TSC22D1: variants seen among roughly 807,000 people sequenced by gnomAD.
TSC22D1 encodes TSC22 domain family member 1.
A neutral mutation model predicts 74.2 loss-of-function variants in TSC22D1; 9 were observed. That is an observed-to-expected ratio of 0.12 (90% CI 0.07 to 0.21). TSC22D1 has a LOEUF of 0.21. Among genes scored for constraint, TSC22D1 ranks in the 10% least tolerant of loss-of-function variants. The probability of loss-of-function intolerance (pLI) is 1.00; values close to 1 mark genes in which losing one functional copy is unlikely to be tolerated. For synonymous variants in TSC22D1, 586 were observed against 492.5 expected, an observed-to-expected ratio of 1.19 and a Z score of -2.51; for missense variants, 1,427 against 1,304.7, an observed-to-expected ratio of 1.09 and a Z score of -1.44.
chr13:44,495,163 G>A (rs1358258357), intron 1 of TSC22D1, among the ~76,000 whole-genome samples: 1 of 151,950 alleles, frequency 6.6e-6, no homozygotes, highest in Non-Finnish European at 1.5e-5. Context: ...CAGAAGGAAA[G>A]AATAGACAGA....
intron 1 of TSC22D1, among the ~76,000 whole-genome samples, chr13:44,475,466 A>C (rs1175908576): frequency 4.1e-5 from 1 of 24,562 alleles, no homozygotes; most frequent in East Asian, 1.1e-3. Context: ...AAACAAAAGC[A>C]AAAAAAAAAA....
intron 1 of TSC22D1, among the ~76,000 whole-genome samples, chr13:44,517,857 A>ATATATTTTTTTTTTTTTTTTTT (rs10627677): frequency 6.2e-5 from 1 of 16,176 alleles, no homozygotes; most frequent in Non-Finnish European, 1.4e-4. Flanking sequence ...ATATATATAT[A>ATATATTTTTTTTTTTTTTTTTT]TTTTTTTTTT....
chr13:44,454,113 A>C (rs1876369624), intron 1 of TSC22D1, among the ~76,000 whole-genome samples: 1 of 152,236 alleles, frequency 6.6e-6, no homozygotes, highest in African/African-American at 2.4e-5. Context: ...TGCTGCACAA[A>C]CACATAAAAC....
At chr13:44,436,595 C>G in intron 1 of TSC22D1, 1 of 1,614,170 alleles carries the variant, frequency 6.2e-7, no homozygotes, top group Non-Finnish European at 8.5e-7. Flanking sequence ...ACTCCTAGAT[C>G]CATCGCCACT....
chr13:44,539,175 T>C (rs895317144), intron 1 of TSC22D1: 35 of 985,224 alleles, frequency 3.6e-5, no homozygotes, highest in Non-Finnish European at 4.1e-5. Flanking sequence ...AACATAGCTT[T>C]CAGGGATACT....
intron 1 of TSC22D1, among the ~76,000 whole-genome samples, chr13:44,464,641 C>T (rs1284323493): frequency 1.3e-5 from 2 of 152,198 alleles, no homozygotes; most frequent in East Asian, 3.8e-4. Flanking sequence ...TTCACAAGAG[C>T]ACTCAGTACA....
chr13:44,502,076 C>G (rs1879246510), intron 1 of TSC22D1, among the ~76,000 whole-genome samples: 1 of 152,176 alleles, frequency 6.6e-6, no homozygotes, highest in African/African-American at 2.4e-5. Flanking sequence ...TGTGCACTCT[C>G]TCTCCTATCG....
chr13:44,494,857 T>C (rs913389688), intron 1 of TSC22D1, among the ~76,000 whole-genome samples: 1 of 152,020 alleles, frequency 6.6e-6, no homozygotes, highest in Non-Finnish European at 1.5e-5. Flanking sequence ...GACAAGGAAC[T>C]AAAGGAAACC....
At chr13:44,506,944 C>G (rs761398679) in intron 1 of TSC22D1, among the ~76,000 whole-genome samples, 1 of 152,146 alleles carries the variant, frequency 6.6e-6, no homozygotes, top group Non-Finnish European at 1.5e-5. Context: ...GACTCAGGAA[C>G]AAGCATGTCA....
chr13:44,537,606 T>C, intron 1 of TSC22D1: 4 of 984,964 alleles, frequency 4.1e-6, no homozygotes, highest in Non-Finnish European at 4.8e-6. Flanking sequence ...TTGTTTTTTT[T>C]AATTTATATG....
rs562627281 is a variant in TSC22D1, at chr13:44,558,977, C to A, written c.2912+14186G>T. ...TAATAATAAAACATAACCAATTGTA[C>A]AAATGTATAAATCCTGCTATCCATT... On this transcript the variant is annotated intron_variant, in intron 1 of 2. Transcript: ENST00000458659. Among the ~76,000 whole-genome samples, 5 of 152,234 alleles carry A rather than the reference C, an allele frequency of 3.3e-5. No individual in the cohort carries two copies. In the East Asian group the frequency reaches 9.6e-4, roughly 29 times the overall value.
chr13:44,473,034 AAG>A (rs1877698388), intron 1 of TSC22D1, among the ~76,000 whole-genome samples: 1 of 152,216 alleles, frequency 6.6e-6, no homozygotes, highest in Non-Finnish European at 1.5e-5. Context: ...GCAGTAGGCA[AAG>A]AGAGAGAGCT....
chr13:44,520,158 G>C (rs987742865), intron 1 of TSC22D1, among the ~76,000 whole-genome samples: 1 of 152,156 alleles, frequency 6.6e-6, no homozygotes, highest in Admixed American at 6.6e-5. Flanking sequence ...GAAATGCCCA[G>C]AGAATTGACA....
intron 1 of TSC22D1, among the ~76,000 whole-genome samples, chr13:44,541,339 T>C (rs922324118): frequency 1.3e-5 from 2 of 152,202 alleles, no homozygotes; most frequent in African/African-American, 4.8e-5. Context: ...GAGCTAACCC[T>C]TCTGCACAGG....
rs2297736 is a variant in TSC22D1, at chr13:44,576,069, G to A, written c.6C>T (p.His2=). M[H]QPPESTAAAA... ...CCGCGGCGGTGGACTCAGGCGGCTG[G>A]TGCATTGTGTTGGGTACCGGGGGCG... Residue 2 remains histidine (H), a synonymous_variant, in exon 1 of 3, where the codon CAC becomes CAT. Coordinates refer to ENST00000458659, the MANE Select transcript of TSC22D1 (RefSeq NM_183422.4). The A allele has an allele frequency of 1.3e-4, 203 of 1,557,064 alleles. No individual in the cohort carries two copies. The East Asian group carries it at 4.4e-3, about 33-fold the overall frequency.
chr13:44,537,901 A>G (rs1881245050), intron 1 of TSC22D1: 1 of 985,014 alleles, frequency 1.0e-6, no homozygotes, highest in Admixed American at 6.2e-5. Flanking sequence ...TAATAACTCT[A>G]GAATGTCTAT....
chr13:44,446,323 A>G (rs1266174175), intron 1 of TSC22D1, among the ~76,000 whole-genome samples: 2 of 152,204 alleles, frequency 1.3e-5, no homozygotes, highest in African/African-American at 2.4e-5. Context: ...CTATAGAGAC[A>G]AAAACCAGAT....
intron 1 of TSC22D1, among the ~76,000 whole-genome samples, chr13:44,487,518 A>G (rs1320008935): frequency 4.0e-5 from 6 of 149,074 alleles, no homozygotes; most frequent in South Asian, 4.2e-4. Context: ...AAAAAAAAAA[A>G]AAAAAAAAAG....
At chr13:44,456,825 T>C (rs1385592984) in intron 1 of TSC22D1, among the ~76,000 whole-genome samples, 1 of 152,102 alleles carries the variant, frequency 6.6e-6, no homozygotes, top group East Asian at 1.9e-4. Flanking sequence ...TCTCAGAAAC[T>C]AGAACAAAAT....
Sources: gnomAD v4.1 joint callset for allele counts (sites outside exome capture counted in the v4.1 genomes callset) on GRCh38, gnomAD v4.1.1 for gene constraint, MANE v1.5 for transcripts, NCBI Gene and HGNC (gene_info 2026-07-23, HGNC 2026-07-21) for gene names.